Variants in PRDM16 observed in about 807,000 individuals in gnomAD.
PRDM16 encodes the protein histone-lysine N-methyltransferase PRDM16.
A neutral mutation model predicts 110.6 loss-of-function variants in PRDM16; 23 were observed. The observed-to-expected ratio is 0.21, with a 90% CI of 0.15 to 0.29. The LOEUF (loss-of-function observed/expected upper bound fraction) is 0.29, where lower values mean the gene tolerates loss of function less well. Ranked by LOEUF, PRDM16 falls within the 10% of genes least tolerant of loss-of-function variation. PRDM16 has a pLI of 1.00. For missense variants in PRDM16, 1,615 were observed against 1,794.3 expected, an observed-to-expected ratio of 0.90 and a Z score of 1.81; for synonymous variants, 799 against 781.8, an observed-to-expected ratio of 1.02 and a Z score of -0.37.
chr1:3,237,689 G>A (rs1364605354), intron 2 of PRDM16, among the ~76,000 whole-genome samples: 1 of 152,230 alleles, frequency 6.6e-6, no homozygotes, highest in Non-Finnish European at 1.5e-5. Context: ...TGCGCGCGGG[G>A]CCAGCCTCGC....
chr1:3,298,584 T>C (rs1641140288), intron 3 of PRDM16, among the ~76,000 whole-genome samples: 1 of 152,250 alleles, frequency 6.6e-6, no homozygotes, highest in Admixed American at 6.5e-5. Flanking sequence ...ACAATTGTGC[T>C]AGCAGCTTGG....
chr1:3,403,440 CA>C (rs1301343275), intron 6 of PRDM16, among the ~76,000 whole-genome samples: 2 of 152,240 alleles, frequency 1.3e-5, no homozygotes, highest in Non-Finnish European at 2.9e-5. Flanking sequence ...CCAAGGGATT[CA>C]TGGTGGCCCC....
At chr1:3,233,440 C>T (rs1005092369) in intron 2 of PRDM16, among the ~76,000 whole-genome samples, 2 of 152,144 alleles carry the variant, frequency 1.3e-5, no homozygotes, top group African/African-American at 4.8e-5. Context: ...TCCCCTCCTG[C>T]CGCTGCCACT....
intron 5 of PRDM16, among the ~76,000 whole-genome samples, chr1:3,397,957 A>G (rs948196563): frequency 6.6e-6 from 1 of 152,184 alleles, no homozygotes; most frequent in African/African-American, 2.4e-5. Context: ...GGAAATGACC[A>G]CAGAAGGATA....
intron 3 of PRDM16, among the ~76,000 whole-genome samples, chr1:3,272,006 T>G (rs955099034): frequency 1.2e-4 from 18 of 152,162 alleles, no homozygotes; most frequent in African/African-American, 4.1e-4. Flanking sequence ...AAAGCACCTG[T>G]CAGCTGTCTA....
intron 3 of PRDM16, among the ~76,000 whole-genome samples, chr1:3,348,002 T>C (rs1483443904): frequency 6.7e-6 from 1 of 148,750 alleles, no homozygotes; most frequent in Non-Finnish European, 1.5e-5. Flanking sequence ...TCTCGGTGGC[T>C]CAGTCTGCTT....
chr1:3,255,245 G>A lies in PRDM16; in HGVS notation c.438+11108G>A, dbSNP rs4325088. 6.6e-6 allele frequency among the ~76,000 whole-genome samples: 1 copy of A among 152,038 alleles called. No homozygotes were observed. Among genetic ancestry groups the A allele is most frequent in the Admixed American group, 6.5e-5 (1 of 15,270 alleles). On this transcript the variant is annotated intron_variant, in intron 3 of 16. Coordinates refer to ENST00000270722, the MANE Select transcript of PRDM16 (RefSeq NM_022114.4). This position sits in a 1 kb window ranked among gnomAD's most constrained non-coding sequence, Gnocchi z 4.7. ...GCATTACCATTCAGGACATAGGCAT[G>A]GGCAAGGACTTCATGTCTAAAACAC...
At chr1:3,207,509 A>G (rs1276483892) in intron 2 of PRDM16, 1 of 152,276 alleles carries the variant, frequency 6.6e-6, no homozygotes, top group African/African-American at 2.4e-5. Context: ...ACGTGGCGGC[A>G]GCAGCCAGAG....
chr1:3,404,558 C>T lies in PRDM16; in HGVS notation c.885-181C>T, dbSNP rs373787377. On this transcript the variant is annotated intron_variant, in intron 6 of 16. Coordinates refer to ENST00000270722, the MANE Select transcript of PRDM16 (RefSeq NM_022114.4). ...TCTGCTAGGGGAAGGCCGCCTCTGC[C>T]CCTCACAGCCCGGCCACGGCAGAGA... Among the ~76,000 whole-genome samples the T allele has an allele frequency of 6.6e-5, 10 of 152,332 alleles. No homozygotes were observed. The East Asian group carries it at 1.4e-3, about 21-fold the overall frequency.
rs573211334 is a variant in PRDM16 at position 3,420,469 on chromosome 1, G to A, written c.2939+1725G>A. Among the ~76,000 whole-genome samples, 8 of 152,346 alleles carry A rather than the reference G, an allele frequency of 5.3e-5. No homozygotes were observed. The East Asian group carries it at 5.8e-4, about 11-fold the overall frequency. Reference sequence around the variant, plus strand: ...TGTGCCCTGGAGAGGTCGGGCTGACGCAGCCCCGCGCAAGCAGGAGGAAGC... The same window carrying A: ...TGTGCCCTGGAGAGGTCGGGCTGACACAGCCCCGCGCAAGCAGGAGGAAGC... On this transcript the variant is annotated intron_variant, in intron 12 of 16. Coordinates refer to ENST00000270722, the MANE Select transcript of PRDM16 (RefSeq NM_022114.4).
chr1:3,126,165 C>T (rs924998684), intron 1 of PRDM16, among the ~76,000 whole-genome samples: 2 of 152,232 alleles, frequency 1.3e-5, no homozygotes, highest in Non-Finnish European at 2.9e-5. Context: ...ATTGTGGGCC[C>T]GGGCGCCGCT....
rs946366767 is a variant in PRDM16, at chr1:3,339,131, G to A, written c.439-46021G>A. Among the ~76,000 whole-genome samples, 2 of 152,168 alleles carry A rather than the reference G, an allele frequency of 1.3e-5. No individual in the cohort carries two copies. The highest frequency in any genetic ancestry group is 2.4e-5 in the African/African-American group (1 of 41,436). Reference sequence around the variant, plus strand: ...TGGCCTCCCCATGTCCCGCCTTTCCGGGTGCTCAGAGGCATCTCCTGCTCT... The same window carrying A: ...TGGCCTCCCCATGTCCCGCCTTTCCAGGTGCTCAGAGGCATCTCCTGCTCT... On this transcript the variant is annotated intron_variant, in intron 3 of 16. Transcript: ENST00000270722. This position sits in a 1 kb window ranked among gnomAD's most constrained non-coding sequence, Gnocchi z 5.0.
intron 3 of PRDM16, among the ~76,000 whole-genome samples, chr1:3,310,894 A>G (rs980877475): frequency 6.7e-6 from 1 of 148,638 alleles, no homozygotes; most frequent in Non-Finnish European, 1.5e-5. Flanking sequence ...TGTGTGTGAG[A>G]CATGTGGGCA....
At chr1:3,237,264 C>G (rs1218068670) in intron 2 of PRDM16, among the ~76,000 whole-genome samples, 1 of 152,080 alleles carries the variant, frequency 6.6e-6, no homozygotes, top group Non-Finnish European at 1.5e-5. Context: ...GCTTCCCAAC[C>G]CCAGGGCTCC....
chr1:3,116,665 T>C (rs1043360214), intron 1 of PRDM16, among the ~76,000 whole-genome samples: 2 of 152,016 alleles, frequency 1.3e-5, no homozygotes, highest in African/African-American at 2.4e-5. Flanking sequence ...TCACTGCGGG[T>C]CTATGCCCGA....
chr1:3,340,332 C>T (rs764271656), intron 3 of PRDM16, among the ~76,000 whole-genome samples: 22 of 152,116 alleles, frequency 1.4e-4, no homozygotes, highest in Non-Finnish European at 2.4e-4. Context: ...CCCTTCACCC[C>T]GTTCCTGAAA....
intron 3 of PRDM16, among the ~76,000 whole-genome samples, chr1:3,337,851 A>G (rs1642193018): frequency 6.6e-6 from 1 of 152,200 alleles, no homozygotes; most frequent in South Asian, 2.1e-4. Context: ...GATGGAGGGA[A>G]AAGAAACAAA....
chr1:3,415,092 G>T (rs1165743874), intron 10 of PRDM16, among the ~76,000 whole-genome samples: 2 of 152,192 alleles, frequency 1.3e-5, no homozygotes, highest in East Asian at 3.9e-4. Flanking sequence ...GCAGAGAGGG[G>T]CATGGAGCCA....
chr1:3,314,078 G>C lies in PRDM16; in HGVS notation c.438+69941G>C, dbSNP rs1045151382. Among the ~76,000 whole-genome samples the C allele has an allele frequency of 1.1e-4, 16 of 145,644 alleles. 2 individuals carry two copies. The highest frequency in any genetic ancestry group is 2.2e-4 in the South Asian group (1 of 4,650). ...AATGCCGTCCTTCCCCACCGGGGGG[G>C]GGGGCGGGAACATAAAATGGACCCA... On this transcript the variant is annotated intron_variant, in intron 3 of 16. Transcript: ENST00000270722.
Sources: gnomAD v4.1 joint callset for allele counts (sites outside exome capture counted in the v4.1 genomes callset) on GRCh38, gnomAD v4.1.1 for gene constraint, Gnocchi (gnomAD v3.1) non-coding constraint, MANE v1.5 for transcripts, NCBI Gene and HGNC (gene_info 2026-07-23, HGNC 2026-07-21) for gene names.